Variants in ABI2 observed in about 807,000 individuals in gnomAD.
ABI2 encodes abl interactor 2, also known as abelson interactor 2.
In ABI2, 25 loss-of-function variants were observed where a neutral mutation model predicts 59.2. The ratio of observed to expected loss-of-function variants is 0.42; its 90% CI spans 0.31 to 0.59. ABI2 has a LOEUF of 0.59. Ranked by LOEUF, ABI2 falls within the 20% of genes least tolerant of loss-of-function variation. ABI2 has a pLI of 0.14. For synonymous variants in ABI2, 213 were observed against 235.5 expected (o/e 0.90, Z 0.87); for missense variants, 545 against 681.8 (o/e 0.80, Z 2.23).
chr2:203,356,250 C>G (rs1241210392), intron 1 of ABI2, among the ~76,000 whole-genome samples: 3 of 151,966 alleles, frequency 2.0e-5, no homozygotes, highest in African/African-American at 4.8e-5. Flanking sequence ...GGCAGTGTTG[C>G]AATCATGGCT....
At position 203,350,540 on chromosome 2, in the gene ABI2, C is replaced by CT. The variant is rs1213913573; in HGVS notation, c.118-16321dup. Among the ~76,000 whole-genome samples, 424 of 138,698 alleles carry CT rather than the reference C, an allele frequency of 3.1e-3. 1 individual carries two copies. Among genetic ancestry groups the CT allele is most frequent in the Middle Eastern group, 3.9e-3 (1 of 258 alleles). 91.0% of individuals were successfully genotyped at this position (138,698 alleles called of 152,430 possible). A position where few individuals can be genotyped will look rare whatever the true frequency, so the allele number is the denominator to read the frequency against. On this transcript the variant is annotated intron_variant, in intron 1 of 11. Transcript: ENST00000261018. ...ACTATTTTTTCTTTTTCTTTCTTTT[C>CT]TTTTTTTTTTTTTTTTAAAGTTGAA... is the stretch of plus-strand genomic sequence containing the variant.
At position 203,389,085 on chromosome 2, in the gene ABI2, TA is replaced by T. The variant is rs759726423; in HGVS notation, c.481-1957del. On this transcript the variant is annotated intron_variant, in intron 4 of 11. Coordinates refer to ENST00000261018, the MANE Select transcript of ABI2 (RefSeq NM_001375670.1). Reference sequence around the variant, plus strand: ...TTTCAGAAATTAAGATATGCAGTTTTAAAAGCTATTCATTATTTGTCATATT... The same window carrying T: ...TTTCAGAAATTAAGATATGCAGTTTTAAAGCTATTCATTATTTGTCATATT... Among the ~76,000 whole-genome samples the T allele has an allele frequency of 5.4e-4, 82 of 152,332 alleles. 1 individual carries two copies. The highest frequency in any genetic ancestry group is 1.8e-3 in the African/African-American group (74 of 41,594).
intron 11 of ABI2, 42 bp downstream of exon 11, chr2:203,417,123 C>G: frequency 6.7e-7 from 1 of 1,490,004 alleles, no homozygotes; most frequent in Non-Finnish European, 9.0e-7. Flanking sequence ...GAAGAAACCT[C>G]TACATAGAAA....
intron 2 of ABI2, chr2:203,374,871 G>A: frequency 4.4e-6 from 2 of 453,588 alleles, no homozygotes; most frequent in Non-Finnish European, 8.9e-6. Flanking sequence ...ATCCAGTACA[G>A]TCAACTTTCA....
Position 203,395,794 on chromosome 2 carries a change from G to T in ABI2, c.850+14G>T. On this transcript the variant is annotated intron_variant, in intron 7 of 11. Transcript: ENST00000261018. Reference sequence around the variant, plus strand: ...GTGTCTTTCCAGGTAAAACATTCATGGTGCCTCGTCTTCACTTTTCCTTTC... The same window carrying T: ...GTGTCTTTCCAGGTAAAACATTCATTGTGCCTCGTCTTCACTTTTCCTTTC... 1 of 1,576,350 alleles carries T rather than the reference G, an allele frequency of 6.3e-7. No individual in the cohort carries two copies. Among genetic ancestry groups the T allele is most frequent in the Admixed American group, 1.8e-5 (1 of 55,438 alleles).
intron 1 of ABI2, among the ~76,000 whole-genome samples, chr2:203,352,190 G>A (rs2089142252): frequency 6.6e-6 from 1 of 152,160 alleles, no homozygotes; most frequent in Non-Finnish European, 1.5e-5. Flanking sequence ...GTGGGGTGCT[G>A]CCCCCATGCC....
At chr2:203,338,661 C>A (rs995483410) in intron 1 of ABI2, among the ~76,000 whole-genome samples, 1 of 151,480 alleles carries the variant, frequency 6.6e-6, no homozygotes, top group Non-Finnish European at 1.5e-5. Flanking sequence ...TTCCTTCATA[C>A]GATCATAAGA....
At chr2:203,350,822 G>A (rs1373792154) in intron 1 of ABI2, among the ~76,000 whole-genome samples, 1 of 151,900 alleles carries the variant, frequency 6.6e-6, no homozygotes, top group Non-Finnish European at 1.5e-5. Flanking sequence ...ATAGGCATGA[G>A]CCACTGTTCC....
intron 2 of ABI2, among the ~76,000 whole-genome samples, chr2:203,368,013 A>T (rs1372232732): frequency 6.6e-6 from 1 of 152,146 alleles, no homozygotes; most frequent in South Asian, 2.1e-4. Flanking sequence ...CCAAAAAAAA[A>T]TAAAAAAAAG....
Position 203,411,293 on chromosome 2 carries a change from G to A in ABI2, c.1201G>A (p.Ala401Thr). 6.2e-7 allele frequency: 1 copy of A among 1,613,168 alleles called. No homozygotes were observed. ...PFYSQNPVSL[A>T]PPPPSILQVT... ...CTTTTTTGTTTTTGCAGTATCTCTT[G>A]CTCCTCCTCCTCCCTCCATCCTACA... Residue 401 changes from alanine (A) to threonine (T), a missense_variant, in exon 10 of 12, where the codon GCT becomes ACT. By Grantham distance (58) the Ala-to-Thr change is moderately conservative. Coordinates refer to ENST00000261018, the MANE Select transcript of ABI2 (RefSeq NM_001375670.1).
chr2:203,418,581 A>G (rs1448787647), intron 11 of ABI2, among the ~76,000 whole-genome samples: 1 of 152,256 alleles, frequency 6.6e-6, no homozygotes, highest in African/African-American at 2.4e-5. Flanking sequence ...ACAACATGGC[A>G]GCTAACTTCA....
At chr2:203,414,853 A>G (rs1297992947) in intron 10 of ABI2, among the ~76,000 whole-genome samples, 1 of 152,142 alleles carries the variant, frequency 6.6e-6, no homozygotes, top group Non-Finnish European at 1.5e-5. Flanking sequence ...GAAAAACACC[A>G]CCTCCCAATA....
At chr2:203,361,808 T>C (rs2093556492) in intron 1 of ABI2, among the ~76,000 whole-genome samples, 1 of 152,188 alleles carries the variant, frequency 6.6e-6, no homozygotes, top group Non-Finnish European at 1.5e-5. Flanking sequence ...TCCTGTGTCT[T>C]ATAGTGTCAT....
chr2:203,368,125 A>G (rs2094660103), intron 2 of ABI2, among the ~76,000 whole-genome samples: 1 of 152,172 alleles, frequency 6.6e-6, no homozygotes, highest in South Asian at 2.1e-4. Context: ...TGATGTTGTA[A>G]GTTCTTCATA....
At chr2:203,401,640 G>C (rs1329370382) in intron 8 of ABI2, among the ~76,000 whole-genome samples, 1 of 151,978 alleles carries the variant, frequency 6.6e-6, no homozygotes, top group Non-Finnish European at 1.5e-5. Flanking sequence ...GATATATTTT[G>C]ACCCTCTTTT....
intron 2 of ABI2, among the ~76,000 whole-genome samples, chr2:203,378,411 G>A (rs2095866892): frequency 6.6e-6 from 1 of 152,094 alleles, no homozygotes; most frequent in South Asian, 2.1e-4. Flanking sequence ...ATGCCTGGCT[G>A]AGATTGTTTT....
intron 2 of ABI2, among the ~76,000 whole-genome samples, chr2:203,374,441 G>T (rs1213115086): frequency 6.7e-6 from 1 of 149,336 alleles, no homozygotes; most frequent in Admixed American, 6.7e-5. Context: ...GGAGGTTGCA[G>T]TGAGCTGAGA....
At position 203,328,622 on chromosome 2, in the gene ABI2, C is replaced by T. The variant is rs140921530; in HGVS notation, c.108C>T (p.Asn36=). Reference sequence around the variant, plus strand: ...GGGTGGCCGATTACTGCGAGAACAACTACATACAGGTGCGAAGCATCCCCA... The same window carrying T: ...GGGTGGCCGATTACTGCGAGAACAATTACATACAGGTGCGAAGCATCCCCA... The part of the protein sequence containing the change: ...LERVADYCEN[N]YIQSADKQRA... Residue 36 remains asparagine (N), a synonymous_variant, in exon 1 of 12, where the codon AAC becomes AAT. Transcript: ENST00000261018. 6.3e-7 allele frequency: 1 copy of T among 1,595,906 alleles called. No individual in the cohort carries two copies. The highest frequency in any genetic ancestry group is 1.4e-5 in the African/African-American group (1 of 72,596).
intron 1 of ABI2, among the ~76,000 whole-genome samples, chr2:203,345,037 G>C (rs560768350): frequency 6.6e-6 from 1 of 152,156 alleles, no homozygotes; most frequent in Non-Finnish European, 1.5e-5. Flanking sequence ...GGCTGCCGGA[G>C]CCCGCAGTGG....
Sources: gnomAD v4.1 joint callset for allele counts (sites outside exome capture counted in the v4.1 genomes callset) on GRCh38, gnomAD v4.1.1 for gene constraint, MANE v1.5 for transcripts, NCBI Gene and HGNC (gene_info 2026-07-23, HGNC 2026-07-21) for gene names.